The following SPMIP11 variants were observed in gnomAD, a reference collection of about 807,000 sequenced individuals.
SPMIP11 encodes long intergenic non-protein coding RNA 935.
chr12:48,764,842 C>A, the SPMIP11 span: 1 of 702,612 alleles, frequency 1.4e-6, no homozygotes, highest in Admixed American at 2.0e-5. Context: ...CTTCCCCCCA[C>A]CCATTCAGTT....
the SPMIP11 span, among the ~76,000 whole-genome samples, chr12:48,751,562 C>T: frequency 0.33 from 50,213 of 151,936 alleles, 9,492 homozygotes; most frequent in Non-Finnish European, 0.45. Flanking sequence ...GCCATGATTG[C>T]ACCAGTGCAT....
At chr12:48,762,479 T>C in the SPMIP11 span, among the ~76,000 whole-genome samples, 95 of 148,426 alleles carry the variant, frequency 6.4e-4, no homozygotes, top group Non-Finnish European at 2.7e-4. Flanking sequence ...GCGATTCTCC[T>C]GTCTCAGCCT....
At chr12:48,746,729 T>C in the SPMIP11 span, among the ~76,000 whole-genome samples, 1 of 150,648 alleles carries the variant, frequency 6.6e-6, no homozygotes, top group Admixed American at 6.6e-5. Flanking sequence ...AAGACCAGCC[T>C]GGCCAACATG....
the SPMIP11 span, among the ~76,000 whole-genome samples, chr12:48,746,076 C>T: frequency 6.6e-6 from 1 of 152,070 alleles, no homozygotes; most frequent in Admixed American, 6.6e-5. Context: ...TTAACACAGA[C>T]AATAAAACTA....
At chr12:48,759,689 G>T in the SPMIP11 span, among the ~76,000 whole-genome samples, 2 of 151,622 alleles carry the variant, frequency 1.3e-5, no homozygotes, top group Non-Finnish European at 2.9e-5. Context: ...AAAAAGAATG[G>T]CTGGGATGTG....
At chr12:48,735,284 C>T in the SPMIP11 span, among the ~76,000 whole-genome samples, 3 of 152,144 alleles carry the variant, frequency 2.0e-5, no homozygotes, top group East Asian at 1.9e-4. Flanking sequence ...TCCAGCCTTC[C>T]GACCTACAGA....
the SPMIP11 span, among the ~76,000 whole-genome samples, chr12:48,770,335 C>G: frequency 6.6e-6 from 1 of 152,112 alleles, no homozygotes; most frequent in East Asian, 1.9e-4. Context: ...GAATTCAAAC[C>G]AAATAGTCCA....
the SPMIP11 span, among the ~76,000 whole-genome samples, chr12:48,739,180 T>C: frequency 6.6e-6 from 1 of 152,172 alleles, no homozygotes; most frequent in Non-Finnish European, 1.5e-5. Context: ...CTCAAATAAC[T>C]AGTGATCCTT....
the SPMIP11 span, chr12:48,765,030 G>T: frequency 1.4e-6 from 1 of 692,816 alleles, no homozygotes; most frequent in South Asian, 1.5e-5. Context: ...GGGAGGTCAA[G>T]GGAAGTACTC....
the SPMIP11 span, among the ~76,000 whole-genome samples, chr12:48,762,168 C>T: frequency 2.8e-5 from 4 of 143,708 alleles, no homozygotes; most frequent in South Asian, 6.5e-4. Context: ...ATGCCATTCT[C>T]CTGCCTCAGC....
At chr12:48,763,803 T>C in the SPMIP11 span, among the ~76,000 whole-genome samples, 2 of 151,744 alleles carry the variant, frequency 1.3e-5, no homozygotes, top group African/African-American at 4.8e-5. Flanking sequence ...CTCATCCTAC[T>C]GAGTAGCTGC....
At chr12:48,732,886 A>AT in the SPMIP11 span, among the ~76,000 whole-genome samples, 1 of 150,432 alleles carries the variant, frequency 6.6e-6, no homozygotes. Context: ...CACTCCTGTA[A>AT]TCCCAGCACT....
chr12:48,756,571 A>G, the SPMIP11 span, among the ~76,000 whole-genome samples: 1 of 152,348 alleles, frequency 6.6e-6, no homozygotes, highest in South Asian at 2.1e-4. Flanking sequence ...GAACTCCAGA[A>G]TAGAAGTGGC....
the SPMIP11 span, among the ~76,000 whole-genome samples, chr12:48,761,693 G>A: frequency 2.7e-5 from 4 of 146,864 alleles, no homozygotes; most frequent in African/African-American, 7.5e-5. Flanking sequence ...ACATCACATA[G>A]CGTATGATGC....
At chr12:48,770,932 G>A in the SPMIP11 span, 2 of 1,614,210 alleles carry the variant, frequency 1.2e-6, no homozygotes, top group Non-Finnish European at 1.7e-6. Flanking sequence ...CAATCGTCTT[G>A]ATCTTTTCCA....
the SPMIP11 span, among the ~76,000 whole-genome samples, chr12:48,760,934 C>T: frequency 6.6e-6 from 1 of 152,212 alleles, no homozygotes; most frequent in East Asian, 1.9e-4. Flanking sequence ...TATTATCATG[C>T]ATTATCCCTT....
the SPMIP11 span, among the ~76,000 whole-genome samples, chr12:48,745,402 C>T: frequency 1.3e-5 from 2 of 150,994 alleles, no homozygotes; most frequent in African/African-American, 4.9e-5. Flanking sequence ...GTCAGGAGTT[C>T]GAGACCAGCC....
the SPMIP11 span, among the ~76,000 whole-genome samples, chr12:48,743,628 G>A: frequency 2.6e-5 from 4 of 151,478 alleles, no homozygotes; most frequent in African/African-American, 9.7e-5. Context: ...GCAACATGGT[G>A]AAATCCCATC....
At chr12:48,755,510 C>T in the SPMIP11 span, among the ~76,000 whole-genome samples, 22 of 152,152 alleles carry the variant, frequency 1.4e-4, no homozygotes, top group Non-Finnish European at 2.8e-4. Flanking sequence ...CCCTTCACCC[C>T]AGGTACCTTC....
Sources: allele counts gnomAD v4.1 joint callset (sites outside exome capture counted in the v4.1 genomes callset), GRCh38; gene constraint gnomAD v4.1.1; transcripts MANE v1.5; gene names NCBI Gene and HGNC (gene_info 2026-07-23, HGNC 2026-07-21).